The following FADS2 variants were observed in gnomAD, a reference collection of about 807,000 sequenced individuals.
FADS2 encodes the protein fatty acid desaturase 2.
FADS2 carries 18 observed loss-of-function variants against 61.2 expected under a neutral mutation model. That is an observed-to-expected ratio of 0.29 (90% CI 0.20 to 0.44). The LOEUF is 0.44. Among genes scored for constraint, FADS2 ranks in the 20% least tolerant of loss-of-function variants. The probability of loss-of-function intolerance (pLI) is 1.00; values close to 1 mark genes in which losing one functional copy is unlikely to be tolerated. For synonymous variants in FADS2, 203 were observed against 223.9 expected (o/e 0.91, Z 0.83); for missense variants, 322 against 572.7 (o/e 0.56, Z 4.47).
At position 61,861,367 on chromosome 11, in the gene FADS2, A is replaced by AAAAAAAAAC. The variant is rs1307567736; in HGVS notation, c.883-1601_883-1600insAAAACAAAA. On this transcript the variant is annotated intron_variant, in intron 7 of 11. Coordinates refer to ENST00000278840, the MANE Select transcript of FADS2 (RefSeq NM_004265.4). The stretch of plus-strand genomic sequence containing the variant: ...AGACTCCCTCTCAAAAAAAAAAAAA[A>AAAAAAAAAC]AAAACAGAAATTAGCTACTCGGGAG... Among the ~76,000 whole-genome samples the AAAAAAAAAC allele has an allele frequency of 2.4e-4, 35 of 146,934 alleles. 4 individuals carry two copies. The highest frequency in any genetic ancestry group is 7.5e-4 in the African/African-American group (30 of 40,192).
intron 1 of FADS2, among the ~76,000 whole-genome samples, chr11:61,820,626 G>A (rs1565324093): frequency 2.0e-5 from 3 of 152,106 alleles, no homozygotes; most frequent in African/African-American, 7.2e-5. Context: ...TTGGCCGGGC[G>A]TGGCAGCTCA....
At chr11:61,847,025 C>T (rs1182714639) in intron 4 of FADS2, 3 of 151,860 alleles carry the variant, frequency 2.0e-5, no homozygotes, top group African/African-American at 7.3e-5. Context: ...TCTCTGCCTC[C>T]CGGGTTCAAG....
upstream of FADS2, chr11:61,826,454 T>C: frequency 2.0e-6 from 1 of 508,242 alleles, no homozygotes; most frequent in Non-Finnish European, 3.6e-6. Context: ...TATCACTCCC[T>C]GCTCCGAGCT....
rs2067464869 is a variant in FADS2 at position 61,865,928 on chromosome 11, T to A, written c.*239T>A. On this transcript the variant is annotated 3_prime_UTR_variant, in exon 12 of 12. Transcript: ENST00000278840. This position sits in a 1 kb window ranked among gnomAD's most constrained non-coding sequence, Gnocchi z 4.1. ...CAGCCATCAGCCATGGCCCTCCCAG[T>A]GCCTCCTAGCCCCTTCTTCCAAGGA... is the stretch of plus-strand genomic sequence containing the variant. 2 of 566,758 alleles carry A rather than the reference T, an allele frequency of 3.5e-6. No individual in the cohort carries two copies. Among genetic ancestry groups the A allele is most frequent in the East Asian group, 5.6e-5 (2 of 35,714 alleles). 35.1% of individuals were successfully genotyped at this position (566,758 alleles called of 1,614,324 possible).
intron 5 of FADS2, among the ~76,000 whole-genome samples, chr11:61,849,393 A>C (rs556401999): frequency 6.6e-6 from 1 of 152,246 alleles, no homozygotes; most frequent in Admixed American, 6.5e-5. Flanking sequence ...CAGCCTGGGC[A>C]ATATAGCAAG....
chr11:61,824,961 G>C (rs1313619268), upstream of FADS2, among the ~76,000 whole-genome samples: 1 of 152,060 alleles, frequency 6.6e-6, no homozygotes, highest in Non-Finnish European at 1.5e-5. Flanking sequence ...GGGAGGCTGA[G>C]GTGGGCAGAT....
rs2067207942 is a variant in FADS2 at position 61,840,326 on chromosome 11, G to A, written c.319-8G>A. On this transcript the variant is annotated splice_polypyrimidine_tract_variant and splice_region_variant and intron_variant, in intron 2 of 11. Transcript: ENST00000278840. ...GCTGACTCCTTTCCCTGTGCTCTTG[G>A]TCAACAGTCAAAGATCACTGAGGAC... 3 of 1,613,340 alleles carry A rather than the reference G, an allele frequency of 1.9e-6. No homozygotes were observed. The highest frequency in any genetic ancestry group is 2.5e-6 in the Non-Finnish European group (3 of 1,179,610).
chr11:61,856,449 A>G (rs147551322), intron 5 of FADS2: 1 of 152,400 alleles, frequency 6.6e-6, no homozygotes, highest in East Asian at 1.9e-4. Flanking sequence ...ACTCTTGTAA[A>G]TTACAGGGAG....
At chr11:61,817,186 GT>G in intron 1 of FADS2, 1 of 315,720 alleles carries the variant, frequency 3.2e-6, no homozygotes, top group Non-Finnish European at 5.7e-6. Flanking sequence ...GGGCTGCGGG[GT>G]GGCCGCAGGA....
chr11:61,865,760 T>C lies in FADS2; in HGVS notation c.*71T>C. 4 of 1,354,624 alleles carry C rather than the reference T, an allele frequency of 3.0e-6. No homozygotes were observed. The highest frequency in any genetic ancestry group is 4.2e-6 in the Non-Finnish European group (4 of 961,108). The allele number at this position is 1,354,624 out of a possible 1,614,324, so 83.9% of individuals were successfully genotyped here. A position where few individuals can be genotyped will look rare whatever the true frequency, so the allele number is the denominator to read the frequency against. On this transcript the variant is annotated 3_prime_UTR_variant, in exon 12 of 12. Transcript: ENST00000278840. This position sits in a 1 kb window ranked among gnomAD's most constrained non-coding sequence, Gnocchi z 4.1. ...GATGGCCAGAGGAATGATGGGCTTT[T>C]GTTCTGAGGGGTGTCCGAGAGGCTG... is the stretch of plus-strand genomic sequence containing the variant.
upstream of FADS2, among the ~76,000 whole-genome samples, chr11:61,824,498 G>GAA (rs1565325444): frequency 1.3e-4 from 1 of 7,848 alleles, no homozygotes; most frequent in African/African-American, 1.6e-4. Context: ...GAGAAAGAAA[G>GAA]AAAGGAAAGA....
At position 61,816,498 on chromosome 11, in the gene FADS2, C is replaced by G. The variant is rs1311517010; in HGVS notation, c.141+72C>G. ...GGCTCGGAGTGCGTAACTCTGTCTC[C>G]CCTGCACTCAGCCTCCGGTCCCGCC... On this transcript the variant is annotated intron_variant, in intron 1 of 11. Transcript: ENST00000257261. This position sits in a 1 kb window ranked among gnomAD's most constrained non-coding sequence, Gnocchi z 7.0. The G allele has an allele frequency of 1.2e-6, 2 of 1,600,478 alleles. No individual in the cohort carries two copies. The highest frequency in any genetic ancestry group is 1.1e-5 in the South Asian group (1 of 90,246).
chr11:61,864,268 T>C (rs997936362), intron 10 of FADS2: 32 of 153,344 alleles, frequency 2.1e-4, no homozygotes, highest in Non-Finnish European at 3.8e-4. Context: ...CAGTGGTGCT[T>C]TCTTGGCTCA....
In FADS2 at chr11:61,845,520, C is replaced by T. The variant is rs542557913; in HGVS notation, c.619-2639C>T. ...AGAAGAATGGAAGAGAGGCCCGGTGCGGTGGGTTATGCCTGTAATCCCAGC... is the reference window on the plus strand; with the variant it reads ...AGAAGAATGGAAGAGAGGCCCGGTGTGGTGGGTTATGCCTGTAATCCCAGC... On this transcript the variant is annotated intron_variant, in intron 4 of 11. Transcript: ENST00000278840. Among the ~76,000 whole-genome samples, 49 of 152,158 alleles carry T rather than the reference C, an allele frequency of 3.2e-4. No individual in the cohort carries two copies. In the East Asian group the frequency reaches 5.6e-3, roughly 17 times the overall value.
At chr11:61,853,857 G>A (rs529342996) in intron 5 of FADS2, among the ~76,000 whole-genome samples, 3 of 152,184 alleles carry the variant, frequency 2.0e-5, no homozygotes, top group African/African-American at 4.8e-5. Context: ...CCCAACCCTC[G>A]ATGGACAAGG....
At chr11:61,863,993 C>G (rs2067440373) in intron 10 of FADS2, 3 of 546,444 alleles carry the variant, frequency 5.5e-6, no homozygotes, top group Non-Finnish European at 9.9e-6. Context: ...CATCCTGTGC[C>G]CCTCATGCTG....
chr11:61,844,251 T>G (rs1214166727), intron 4 of FADS2, among the ~76,000 whole-genome samples: 2 of 152,370 alleles, frequency 1.3e-5, no homozygotes, highest in East Asian at 3.9e-4. Context: ...TTCAGTTGAA[T>G]GTAATTAGAA....
At chr11:61,844,716 A>T (rs765071745) in intron 4 of FADS2, among the ~76,000 whole-genome samples, 3 of 151,738 alleles carry the variant, frequency 2.0e-5, no homozygotes, top group Non-Finnish European at 4.4e-5. Context: ...ACAAGGTCAG[A>T]AGATCGAGAC....
rs1404079243 is a variant in FADS2, at chr11:61,865,990, C to T, written c.*301C>T. On this transcript the variant is annotated 3_prime_UTR_variant, in exon 12 of 12. Transcript: ENST00000278840. This position sits in a 1 kb window ranked among gnomAD's most constrained non-coding sequence, Gnocchi z 4.1. ...GCCACCGGGGGTGGCTCTGTCCTAC[C>T]TCCACTCTCTGCCCCTAAAGATGGG... 14 of 485,040 alleles carry T rather than the reference C, an allele frequency of 2.9e-5. No individual in the cohort carries two copies. Among genetic ancestry groups the T allele is most frequent in the Middle Eastern group, 5.3e-4 (1 of 1,900 alleles). The allele number at this position is 485,040 out of a possible 1,614,324, so 30.0% of individuals were successfully genotyped here.
Sources: allele counts gnomAD v4.1 joint callset (sites outside exome capture counted in the v4.1 genomes callset), GRCh38; gene constraint gnomAD v4.1.1; non-coding constraint Gnocchi (gnomAD v3.1); transcripts MANE v1.5; gene names NCBI Gene and HGNC (gene_info 2026-07-23, HGNC 2026-07-21).